Variants in ITGA8 observed in about 807,000 individuals in gnomAD.
The protein encoded by ITGA8 is integrin alpha-8.
In ITGA8, 91 loss-of-function variants were observed where a neutral mutation model predicts 142.3. The ratio of observed to expected loss-of-function variants is 0.64; its 90% confidence interval spans 0.54 to 0.76. The LOEUF (loss-of-function observed/expected upper bound fraction) is 0.76. Among genes scored for constraint, ITGA8 ranks in the 30% least tolerant of loss-of-function variants. The probability of loss-of-function intolerance (pLI) is 0.00; values close to 1 mark genes in which losing one functional copy is unlikely to be tolerated. For missense variants in ITGA8, 1,406 were observed against 1,327.7 expected, an observed-to-expected ratio of 1.06 and a Z score of -0.92; for synonymous variants, 505 against 485.2, an observed-to-expected ratio of 1.04 and a Z score of -0.54.
At chr10:15,630,998 A>G (rs1440095970) in intron 13 of ITGA8, among the ~76,000 whole-genome samples, 2 of 151,852 alleles carry the variant, frequency 1.3e-5, no homozygotes, top group African/African-American at 4.9e-5. Context: ...CATATCCTTC[A>G]TGCACTTTTT....
chr10:15,664,978 G>T (rs2131676837), intron 8 of ITGA8, among the ~76,000 whole-genome samples: 1 of 152,208 alleles, frequency 6.6e-6, no homozygotes, highest in Non-Finnish European at 1.5e-5. Context: ...ATAAACATAG[G>T]TGTGCATGTG....
intron 28 of ITGA8, among the ~76,000 whole-genome samples, chr10:15,522,608 A>C (rs1833091501): frequency 1.3e-5 from 2 of 152,250 alleles, no homozygotes; most frequent in African/African-American, 4.8e-5. Context: ...TTGAGGACAC[A>C]ATATAGTTTT....
rs143010996 is a variant in ITGA8 at position 15,646,381 on chromosome 10, A to G, written c.1207+465T>C. 2.4e-3 allele frequency among the ~76,000 whole-genome samples: 366 copies of G among 152,258 alleles called. 11 individuals carry two copies. The East Asian group carries it at 0.058, about 24-fold the overall frequency. On this transcript the variant is annotated intron_variant, in intron 12 of 29. Transcript: ENST00000378076. ...AACCTGGAGTGCCTGTGGCCTTCCA[A>G]TGTCTCTTAAAATTCATTTAGAGGT...
In ITGA8 at chr10:15,620,777, C is replaced by T. The variant is rs372594351; in HGVS notation, c.1400-4218G>A. ...GCTTTGGAAAGTACTACGCTGCTTCCATCTATACACACATAAGTATAGAAG... is the reference window on the plus strand; with the variant it reads ...GCTTTGGAAAGTACTACGCTGCTTCTATCTATACACACATAAGTATAGAAG... On this transcript the variant is annotated intron_variant, in intron 13 of 29. Transcript: ENST00000378076. 7.2e-5 allele frequency among the ~76,000 whole-genome samples: 11 copies of T among 152,274 alleles called. No homozygotes were observed. In the East Asian group the frequency reaches 1.7e-3, roughly 24 times the overall value.
At chr10:15,640,829 C>T (rs1044320396) in intron 13 of ITGA8, among the ~76,000 whole-genome samples, 11 of 152,036 alleles carry the variant, frequency 7.2e-5, no homozygotes, top group Admixed American at 2.6e-4. Flanking sequence ...CGAAGAGGGC[C>T]CAGGACACAG....
chr10:15,684,293 A>C (rs1407363828), intron 3 of ITGA8, among the ~76,000 whole-genome samples, 166 bp from the exon 4 acceptor site: 1 of 152,204 alleles, frequency 6.6e-6, no homozygotes, highest in Non-Finnish European at 1.5e-5. Flanking sequence ...AACTTCCAAA[A>C]CTAATTTTTA....
At chr10:15,668,606 T>G (rs2131681492) in intron 8 of ITGA8, among the ~76,000 whole-genome samples, 1 of 152,322 alleles carries the variant, frequency 6.6e-6, no homozygotes, top group South Asian at 2.1e-4. Context: ...TGCAGTTTCT[T>G]CCTAGCCTGG....
At chr10:15,611,112 A>G (rs1833286039) in intron 15 of ITGA8, among the ~76,000 whole-genome samples, 2 of 152,234 alleles carry the variant, frequency 1.3e-5, no homozygotes, top group African/African-American at 4.8e-5. Flanking sequence ...ATATAAAGTT[A>G]TATCAAATAC....
chr10:15,551,374 A>G (rs1398071337), intron 26 of ITGA8, among the ~76,000 whole-genome samples: 1 of 152,096 alleles, frequency 6.6e-6, no homozygotes, highest in Admixed American at 6.6e-5. Flanking sequence ...AATGGCAGAA[A>G]GAGAACCAGG....
intron 8 of ITGA8, among the ~76,000 whole-genome samples, chr10:15,662,880 C>T (rs1410808557): frequency 2.0e-5 from 3 of 152,150 alleles, no homozygotes; most frequent in African/African-American, 7.2e-5. Context: ...GAACAGATTA[C>T]TTTCTTGGGT....
chr10:15,554,695 C>T (rs748724553), intron 26 of ITGA8, among the ~76,000 whole-genome samples: 17 of 151,734 alleles, frequency 1.1e-4, no homozygotes, highest in Non-Finnish European at 2.4e-4. Flanking sequence ...CTCCTACTGT[C>T]ATTACATTTT....
intron 20 of ITGA8, among the ~76,000 whole-genome samples, chr10:15,603,035 G>GT (rs913142499): frequency 1.3e-4 from 19 of 149,176 alleles, no homozygotes; most frequent in East Asian, 2.0e-4. Context: ...TGACTTTGGA[G>GT]TTTTTTTTTT....
At chr10:15,531,497 A>G (rs1833294387) in intron 27 of ITGA8, among the ~76,000 whole-genome samples, 1 of 132,076 alleles carries the variant, frequency 7.6e-6, no homozygotes, top group Non-Finnish European at 1.7e-5. Flanking sequence ...GTTAAAATAA[A>G]AACAGAAAAT....
chr10:15,609,351 A>T lies in ITGA8; in HGVS notation c.1554-1061T>A, dbSNP rs141174166. ...TTTACCAGTAAAATACTATAGTATG[A>T]TGTGGATATTTCTACAGAATTCAAA... On this transcript the variant is annotated intron_variant, in intron 15 of 29. Coordinates refer to ENST00000378076, the MANE Select transcript of ITGA8 (RefSeq NM_003638.3). Among the ~76,000 whole-genome samples the T allele has an allele frequency of 2.8e-4, 43 of 152,334 alleles. No homozygotes were observed. In the East Asian group the frequency reaches 6.9e-3, roughly 25 times the overall value.
intron 26 of ITGA8, among the ~76,000 whole-genome samples, chr10:15,551,608 T>G (rs1833794173): frequency 6.6e-6 from 1 of 152,114 alleles, no homozygotes; most frequent in Admixed American, 6.5e-5. Flanking sequence ...GAGAAATTAT[T>G]TTTCAGTGTT....
intron 24 of ITGA8, among the ~76,000 whole-genome samples, chr10:15,574,903 T>G (rs1240937096): frequency 2.0e-5 from 3 of 151,510 alleles, no homozygotes; most frequent in African/African-American, 7.3e-5. Context: ...GTCCAAATAT[T>G]TAAAAAAATG....
At chr10:15,601,851 A>C (rs1294018790) in intron 20 of ITGA8, among the ~76,000 whole-genome samples, 1 of 152,246 alleles carries the variant, frequency 6.6e-6, no homozygotes, top group Non-Finnish European at 1.5e-5. Flanking sequence ...AACTGAGTTG[A>C]AATCAAAAGG....
At chr10:15,655,087 G>A (rs890675173) in intron 11 of ITGA8, among the ~76,000 whole-genome samples, 1 of 27,642 alleles carries the variant, frequency 3.6e-5, no homozygotes, top group African/African-American at 5.6e-5. Flanking sequence ...ATTTTGAATG[G>A]CTGAAGACTA....
chr10:15,528,090 C>T (rs1833214378), intron 28 of ITGA8, among the ~76,000 whole-genome samples: 1 of 151,578 alleles, frequency 6.6e-6, no homozygotes, highest in East Asian at 1.9e-4. Flanking sequence ...TAATTTTATG[C>T]TTTTTGTTGT....
Sources: gnomAD v4.1 joint callset for allele counts (sites outside exome capture counted in the v4.1 genomes callset) on GRCh38, gnomAD v4.1.1 for gene constraint, MANE v1.5 for transcripts, NCBI Gene and HGNC (gene_info 2026-07-23, HGNC 2026-07-21) for gene names.